Variants in GABRA6 observed in about 807,000 individuals in gnomAD.
GABRA6 encodes gamma-aminobutyric acid receptor subunit alpha-6.
Under a neutral mutation model 47.3 loss-of-function variants are expected in GABRA6, and 45 were observed. That is an observed-to-expected ratio of 0.95 (90% CI 0.75 to 1.22). The LOEUF is 1.22. Among genes scored for constraint, GABRA6 ranks in the 50% most tolerant of loss-of-function variants. The pLI, the probability that GABRA6 is intolerant of heterozygous loss-of-function variation, is 0.00. For synonymous variants in GABRA6, 219 were observed against 194.7 expected, an observed-to-expected ratio of 1.12 and a Z score of -1.04; for missense variants, 583 against 549.3, an observed-to-expected ratio of 1.06 and a Z score of -0.61.
chr5:161,685,949 G>T lies in GABRA6; in HGVS notation c.-41G>T. 6.3e-7 allele frequency: 1 copy of T among 1,581,074 alleles called. No homozygotes were observed. The highest frequency in any genetic ancestry group is 1.1e-5 in the South Asian group (1 of 90,588). ...AGAAGAGCTGGCTAGCAGGGAGGAC[G>T]ACCCTAGGAGGGTGAATTCTGCATT... On this transcript the variant is annotated 5_prime_UTR_variant, in exon 1 of 9. Coordinates refer to ENST00000274545, the MANE Select transcript of GABRA6 (RefSeq NM_000811.3).
intron 8 of GABRA6, among the ~76,000 whole-genome samples, chr5:161,700,959 T>A (rs1260528291): frequency 2.0e-5 from 3 of 152,242 alleles, no homozygotes; most frequent in Non-Finnish European, 4.4e-5. Flanking sequence ...TTATTTATTT[T>A]TTAAATCCTT....
At chr5:161,688,565 G>A (rs559659132) in intron 3 of GABRA6, among the ~76,000 whole-genome samples, 1 of 152,244 alleles carries the variant, frequency 6.6e-6, no homozygotes, top group African/African-American at 2.4e-5. Flanking sequence ...GAGGTGCAAA[G>A]GGGAATAGTT....
chr5:161,688,368 T>C (rs1183944221), intron 3 of GABRA6, among the ~76,000 whole-genome samples: 3 of 152,186 alleles, frequency 2.0e-5, no homozygotes, highest in South Asian at 2.1e-4. Flanking sequence ...GTCATAATTT[T>C]GATGATACAT....
chr5:161,691,390 G>A (rs1415943542), intron 7 of GABRA6, among the ~76,000 whole-genome samples: 1 of 141,682 alleles, frequency 7.1e-6, no homozygotes, highest in African/African-American at 2.6e-5. Context: ...CCGCCTCCCA[G>A]GTTCACGCCA....
chr5:161,698,821 T>C (rs1187605497), intron 8 of GABRA6, among the ~76,000 whole-genome samples: 1 of 152,156 alleles, frequency 6.6e-6, no homozygotes, highest in Non-Finnish European at 1.5e-5. Context: ...TTTGGGGAAG[T>C]AGATGAGGCA....
intron 3 of GABRA6, chr5:161,687,553 G>C (rs1754723585): frequency 2.2e-6 from 1 of 455,400 alleles, no homozygotes; most frequent in African/African-American, 2.0e-5. Context: ...TCATAAGAGG[G>C]TATTTATAGT....
Position 161,688,956 on chromosome 5 carries a change from C to G in GABRA6, c.233C>G (p.Thr78Arg). 6.2e-7 allele frequency: 1 copy of G among 1,612,590 alleles called. No individual in the cohort carries two copies. The change falls in exon 4 of 9, where the codon ACG becomes AGG. Residue 78 changes from threonine to arginine, a missense_variant. Coordinates refer to ENST00000274545, the MANE Select transcript of GABRA6 (RefSeq NM_000811.3). ...GPVSDVEMEY[T>R]MDVFFRQTWT... ...TATTTTATTTTCTCTTAGGAGTATA[C>G]GATGGATGTTTTTTTCCGCCAGACC...
At position 161,692,070 on chromosome 5, in the gene GABRA6, T is replaced by G; in HGVS notation, c.956T>G (p.Ile319Ser). The change falls in exon 8 of 9, where the codon ATC becomes AGC. Residue 319 changes from isoleucine to serine, a missense_variant. Ile to Ser is a moderately radical substitution (Grantham distance 142, BLOSUM62 -2). Coordinates refer to ENST00000274545, the MANE Select transcript of GABRA6 (RefSeq NM_000811.3). ...VCFAFVFSAL[I>S]EFAAVNYFTN... Reference sequence around the variant, plus strand: ...TTTGCATTCGTCTTCTCTGCGCTTATCGAGTTCGCAGCTGTCAACTACTTT... The same window carrying G: ...TTTGCATTCGTCTTCTCTGCGCTTAGCGAGTTCGCAGCTGTCAACTACTTT... 5.6e-6 allele frequency: 9 copies of G among 1,614,184 alleles called. No individual in the cohort carries two copies. Among genetic ancestry groups the G allele is most frequent in the Non-Finnish European group, 7.6e-6 (9 of 1,180,030 alleles).
At chr5:161,693,934 C>A (rs1754845942) in intron 8 of GABRA6, among the ~76,000 whole-genome samples, 1 of 152,138 alleles carries the variant, frequency 6.6e-6, no homozygotes, top group Non-Finnish European at 1.5e-5. Context: ...TGCCAGGGTG[C>A]ATACCACAGG....
intron 8 of GABRA6, among the ~76,000 whole-genome samples, chr5:161,697,515 G>A (rs1424685445): frequency 2.0e-5 from 3 of 152,050 alleles, no homozygotes; most frequent in African/African-American, 7.2e-5. Flanking sequence ...AATCACTCCC[G>A]GGCAGTGGGA....
chr5:161,695,554 C>T (rs1754872449), intron 8 of GABRA6, among the ~76,000 whole-genome samples: 1 of 151,900 alleles, frequency 6.6e-6, no homozygotes. Context: ...AACTTTGGTC[C>T]TTGATTTGTT....
chr5:161,688,704 A>G (rs1358714961), intron 3 of GABRA6, among the ~76,000 whole-genome samples: 1 of 152,190 alleles, frequency 6.6e-6, no homozygotes, highest in East Asian at 1.9e-4. Context: ...AAAGAGGAAG[A>G]ATATTAAGGA....
At chr5:161,696,878 TC>T (rs1187480620) in intron 8 of GABRA6, among the ~76,000 whole-genome samples, 1 of 152,210 alleles carries the variant, frequency 6.6e-6, no homozygotes, top group East Asian at 1.9e-4. Context: ...CCCTCTTTGC[TC>T]TTTCTAAAAA....
In GABRA6 at chr5:161,692,119, C is replaced by A. The variant is rs13184586; in HGVS notation, c.1005C>A (p.Ala335=). ...NYFTNLQTQK[A]KRKAQFAAPP... The stretch of plus-strand genomic sequence containing the variant: ...TTACCAATCTTCAGACACAGAAGGC[C>A]AAAAGGAAGGCACAGTTTGCAGCCC... Residue 335 remains alanine (A), a synonymous_variant, in exon 8 of 9, where the codon GCC becomes GCA. Coordinates refer to ENST00000274545, the MANE Select transcript of GABRA6 (RefSeq NM_000811.3). The A allele has an allele frequency of 2.5e-6, 4 of 1,613,830 alleles. No individual in the cohort carries two copies. The African/African-American group carries it at 5.3e-5, about 22-fold the overall frequency.
Position 161,691,798 on chromosome 5 carries a change from G to T in GABRA6, c.827-143G>T, listed in dbSNP as rs1384312071. ...TGATAATACTTATGATAATAATTAT[G>T]AACAATTATAATACAAAAAATATTT... On this transcript the variant is annotated intron_variant, in intron 7 of 8. Coordinates refer to ENST00000274545, the MANE Select transcript of GABRA6 (RefSeq NM_000811.3). 15 of 710,914 alleles carry T rather than the reference G, an allele frequency of 2.1e-5. No individual in the cohort carries two copies. In the East Asian group the frequency reaches 3.7e-4, roughly 18 times the overall value. The allele number at this position is 710,914 out of a possible 1,614,324, so 44.0% of individuals were successfully genotyped here. A position where few individuals can be genotyped will look rare whatever the true frequency, so the allele number is the denominator to read the frequency against.
intron 2 of GABRA6, 41 bp from the exon 3 acceptor site, chr5:161,686,895 T>TCCCCTTAA (rs2113065582): frequency 6.5e-7 from 1 of 1,545,180 alleles, no homozygotes; most frequent in East Asian, 2.2e-5. Flanking sequence ...CCCCTTAACA[T>TCCCCTTAA]CAGTGGTGAT....
chr5:161,690,417 G>T, intron 7 of GABRA6, 64 bp downstream of exon 7: 1 of 1,506,224 alleles, frequency 6.6e-7, no homozygotes, highest in South Asian at 1.1e-5. Flanking sequence ...TGTGTATTTT[G>T]AGTAAATATT....
intron 8 of GABRA6, among the ~76,000 whole-genome samples, chr5:161,696,866 G>A (rs1754896384): frequency 6.6e-6 from 1 of 152,050 alleles, no homozygotes; most frequent in African/African-American, 2.4e-5. Flanking sequence ...CATCTGTGTT[G>A]TCCCTCTTTG....
intron 8 of GABRA6, among the ~76,000 whole-genome samples, chr5:161,696,983 A>T (rs552118837): frequency 1.3e-5 from 2 of 152,194 alleles, no homozygotes; most frequent in African/African-American, 4.8e-5. Flanking sequence ...ACCTACTGAG[A>T]CTCATTGAAT....
Sources: gnomAD v4.1 joint callset for allele counts (sites outside exome capture counted in the v4.1 genomes callset) on GRCh38, gnomAD v4.1.1 for gene constraint, MANE v1.5 for transcripts, NCBI Gene and HGNC (gene_info 2026-07-23, HGNC 2026-07-21) for gene names.